BLTP1: variants seen among roughly 807,000 people sequenced by gnomAD.
BLTP1 encodes bridge-like lipid transfer protein family member 1, also known as fragile site-associated protein.
the BLTP1 span, chr4:122,175,230 G>GT: frequency 1.0e-6 from 1 of 984,822 alleles, no homozygotes; most frequent in Non-Finnish European, 1.2e-6. Context: ...GAGTTTGGCA[G>GT]TGCTCACACC....
At chr4:122,307,737 G>A in the BLTP1 span, 1 of 985,250 alleles carries the variant, frequency 1.0e-6, no homozygotes, top group South Asian at 4.7e-5. Flanking sequence ...GTGCCATTAT[G>A]TGGTTGCCTG....
the BLTP1 span, chr4:122,356,997 G>A: frequency 1.0e-6 from 1 of 983,934 alleles, no homozygotes; most frequent in African/African-American, 1.7e-5. Flanking sequence ...TACATTTTCA[G>A]TTAGATCTTA....
the BLTP1 span, among the ~76,000 whole-genome samples, chr4:122,320,151 G>T: frequency 3.9e-5 from 6 of 152,068 alleles, no homozygotes; most frequent in Admixed American, 2.6e-4. Flanking sequence ...TTGACACTCA[G>T]TTGTTTTGTT....
chr4:122,206,186 C>A, the BLTP1 span: 1 of 436,796 alleles, frequency 2.3e-6, no homozygotes, highest in Non-Finnish European at 3.0e-6. Flanking sequence ...CATTGTAGTC[C>A]TAGAGTCTAG....
chr4:122,204,400 T>G, the BLTP1 span: 1 of 843,958 alleles, frequency 1.2e-6, no homozygotes, highest in Non-Finnish European at 1.4e-6. Flanking sequence ...TGTTCACTTG[T>G]ATTATCTTCA....
the BLTP1 span, chr4:122,298,669 A>G: frequency 1.8e-4 from 2 of 10,830 alleles, no homozygotes; most frequent in Non-Finnish European, 3.2e-4. Context: ...AGGTATTTAA[A>G]CATATAATAA....
At chr4:122,337,404 T>C in the BLTP1 span, among the ~76,000 whole-genome samples, 2 of 152,106 alleles carry the variant, frequency 1.3e-5, no homozygotes, top group South Asian at 4.1e-4. Flanking sequence ...AAATATTGAA[T>C]ATCTCATGTA....
the BLTP1 span, chr4:122,271,485 A>T: frequency 6.2e-7 from 1 of 1,613,504 alleles, no homozygotes; most frequent in Non-Finnish European, 8.5e-7. Flanking sequence ...GAATCTCGAA[A>T]CAAGAATTCA....
At chr4:122,199,220 C>A in the BLTP1 span, 3 of 1,142,624 alleles carry the variant, frequency 2.6e-6, no homozygotes, top group Non-Finnish European at 3.6e-6. Context: ...AGCTCCCTGT[C>A]ACTGAGGTGT....
At chr4:122,172,805 G>T in the BLTP1 span, among the ~76,000 whole-genome samples, 1 of 152,122 alleles carries the variant, frequency 6.6e-6, no homozygotes, top group Non-Finnish European at 1.5e-5. Context: ...AACTAAAACA[G>T]TACAAAGCAG....
chr4:122,278,096 CAT>C, the BLTP1 span, among the ~76,000 whole-genome samples: 206 of 152,082 alleles, frequency 1.4e-3, 3 homozygotes, highest in African/African-American at 4.7e-3. Flanking sequence ...TGTATAAACA[CAT>C]AAAAATTTTT....
At chr4:122,269,327 A>G in the BLTP1 span, 2 of 804,576 alleles carry the variant, frequency 2.5e-6, no homozygotes. Flanking sequence ...GGCCTAGTAA[A>G]AACCATATAA....
the BLTP1 span, chr4:122,334,534 C>G: frequency 6.2e-7 from 1 of 1,612,478 alleles, no homozygotes; most frequent in Non-Finnish European, 8.5e-7. Flanking sequence ...CAGCCCCCAC[C>G]TATTCCTGCA....
At chr4:122,236,638 A>G in the BLTP1 span, among the ~76,000 whole-genome samples, 2 of 152,208 alleles carry the variant, frequency 1.3e-5, no homozygotes, top group Non-Finnish European at 2.9e-5. Flanking sequence ...AACTGGTGCT[A>G]ATTATAAAGA....
chr4:122,200,224 C>T, the BLTP1 span: 1 of 984,000 alleles, frequency 1.0e-6, no homozygotes, highest in Non-Finnish European at 1.2e-6. Context: ...TCATCTATTG[C>T]TGATAAATAG....
the BLTP1 span, among the ~76,000 whole-genome samples, chr4:122,156,434 G>A: frequency 1.5e-4 from 23 of 152,146 alleles, no homozygotes; most frequent in African/African-American, 4.6e-4. Context: ...TGGAAGAACC[G>A]AGTTTAGAGA....
At chr4:122,298,331 T>A in the BLTP1 span, 1 of 443,498 alleles carries the variant, frequency 2.3e-6, no homozygotes, top group Non-Finnish European at 3.0e-6. Flanking sequence ...CAAGAGAAAC[T>A]AAGAACTCTC....
At chr4:122,199,917 C>T in the BLTP1 span, 1 of 978,232 alleles carries the variant, frequency 1.0e-6, no homozygotes, top group African/African-American at 1.8e-5. Flanking sequence ...TAAAGAGAAA[C>T]AATATGTAAA....
the BLTP1 span, among the ~76,000 whole-genome samples, chr4:122,306,314 ATAAT>A: frequency 3.9e-5 from 6 of 152,034 alleles, no homozygotes; most frequent in African/African-American, 1.4e-4. Flanking sequence ...TTTTGTTTTG[ATAAT>A]TAATGCACCC....
Sources: gnomAD v4.1 joint callset for allele counts (sites outside exome capture counted in the v4.1 genomes callset) on GRCh38, gnomAD v4.1.1 for gene constraint, MANE v1.5 for transcripts, NCBI Gene and HGNC (gene_info 2026-07-23, HGNC 2026-07-21) for gene names.